The following PRRC2A variants were observed in gnomAD, a reference collection of about 807,000 sequenced individuals.
PRRC2A encodes protein PRRC2A.
A neutral mutation model predicts 224.6 loss-of-function variants in PRRC2A; 59 were observed. The observed-to-expected ratio is 0.26, with a 90% CI of 0.21 to 0.33. The LOEUF (loss-of-function observed/expected upper bound fraction) is 0.33. Among genes scored for constraint, PRRC2A ranks in the 10% least tolerant of loss-of-function variants. The pLI is 1.00. For missense variants in PRRC2A, 3,095 were observed against 2,880.7 expected (o/e 1.07, Z -1.70); for synonymous variants, 1,194 against 1,109.5 (o/e 1.08, Z -1.51).
chr6:31,630,711 T>G lies in PRRC2A; in HGVS notation c.2375T>G (p.Val792Gly). 1 of 1,613,952 alleles carries G rather than the reference T, an allele frequency of 6.2e-7. No individual in the cohort carries two copies. The highest frequency in any genetic ancestry group is 8.5e-7 in the Non-Finnish European group (1 of 1,179,974). ...CCGGTGGATCCAAAGTTGGCCTGGG[T>G]AGGAGATGTCTTCACCGCCACACCC... The part of the protein sequence containing the change: ...TPPVDPKLAW[V>G]GDVFTATPAE... The change falls in exon 15 of 31, where the codon GTA (valine) becomes GGA (glycine). Residue 792 changes from valine (V) to glycine (G), a missense_variant. Physicochemically the swap from Val to Gly is moderately radical, Grantham distance 109. This residue lies in a region of PRRC2A where 2,001 missense variants were observed against 1,764.9 expected (regional missense o/e 1.13). Coordinates refer to ENST00000376033, the MANE Select transcript of PRRC2A (RefSeq NM_004638.4).
intron 1 of PRRC2A, among the ~76,000 whole-genome samples, chr6:31,621,574 A>G (rs991536473): frequency 6.6e-6 from 1 of 151,676 alleles, no homozygotes; most frequent in African/African-American, 2.4e-5. Context: ...TATTCGCTAC[A>G]TGACTCTTGT....
Position 31,635,997 on chromosome 6 carries a change from C to T in PRRC2A, c.5572C>T (p.His1858Tyr). The change falls in exon 25 of 31, where the codon CAT becomes TAT. Residue 1858 changes from histidine to tyrosine, a missense_variant. This residue lies in a region of PRRC2A where 662 missense variants were observed against 609.5 expected (regional missense o/e 1.09). Transcript: ENST00000376033. ...TGGGGGAGCCATGGACTCTCAATTA[C>T]ATCCAAACAGTGGAGGCTTCCGCCC... ...ISGGAMDSQL[H>Y]PNSGGFRPGT... is the part of the protein sequence containing the mutation. The T allele has an allele frequency of 1.2e-6, 2 of 1,613,462 alleles. No individual in the cohort carries two copies. Among genetic ancestry groups the T allele is most frequent in the South Asian group, 1.1e-5 (1 of 91,056 alleles).
At chr6:31,621,067 A>C (rs1775218763) in intron 1 of PRRC2A, among the ~76,000 whole-genome samples, 1 of 152,110 alleles carries the variant, frequency 6.6e-6, no homozygotes, top group Non-Finnish European at 1.5e-5. Context: ...CAGTTCATTC[A>C]GGATCCGTAG....
In PRRC2A at chr6:31,637,086, G is replaced by C; in HGVS notation, c.6192G>C (p.Leu2064=). 1 of 1,610,744 alleles carries C rather than the reference G, an allele frequency of 6.2e-7. No individual in the cohort carries two copies. Among genetic ancestry groups the C allele is most frequent in the Non-Finnish European group, 8.5e-7 (1 of 1,178,828 alleles). The part of the protein sequence containing the change: ...ELKPFQDYQK[L]SSNLGGPGSS... ...AGCCGTTCCAGGATTATCAAAAACT[G>C]AGCAGCAACCTTGGGGGACCTGGAT... is the stretch of plus-strand genomic sequence containing the variant. The change falls in exon 29 of 31, where the codon CTG becomes CTC. Residue 2064 remains leucine, a synonymous_variant. Coordinates refer to ENST00000376033, the MANE Select transcript of PRRC2A (RefSeq NM_004638.4).
chr6:31,623,683 G>T (rs753308616), intron 2 of PRRC2A, 49 bp from the exon 3 acceptor site: 2 of 1,591,210 alleles, frequency 1.3e-6, no homozygotes, highest in South Asian at 2.2e-5. Context: ...GAGGCCATCA[G>T]ATCTCCCACA....
At position 31,633,055 on chromosome 6, in the gene PRRC2A, G is replaced by A. The variant is rs1225805715; in HGVS notation, c.4319+63G>A. 2.8e-6 allele frequency: 4 copies of A among 1,444,706 alleles called. No individual in the cohort carries two copies. The Admixed American group carries it at 8.2e-5, about 30-fold the overall frequency. 89.5% of individuals were successfully genotyped at this position (1,444,706 alleles called of 1,614,324 possible). A position where few individuals can be genotyped will look rare whatever the true frequency, so the allele number is the denominator to read the frequency against. On this transcript the variant is annotated intron_variant, in intron 16 of 30. Coordinates refer to ENST00000376033, the MANE Select transcript of PRRC2A (RefSeq NM_004638.4). Reference sequence around the variant, plus strand: ...TTGGAGGAGGGGGAAAAAGCCTGAGGGAAAGATAAGTTTGGGTGGAGTGGA... The same window carrying A: ...TTGGAGGAGGGGGAAAAAGCCTGAGAGAAAGATAAGTTTGGGTGGAGTGGA...
chr6:31,636,726 G>A lies in PRRC2A; in HGVS notation c.5935-7G>A. ...CCCAACATGCACACCCAAATTTCTT[G>A]TTACAGATGCTTCTACCCATGGTAG... is the stretch of plus-strand genomic sequence containing the variant. On this transcript the variant is annotated splice_polypyrimidine_tract_variant and splice_region_variant and intron_variant, in intron 27 of 30. Transcript: ENST00000376033. The surrounding 1 kb of genome is among the most constrained non-coding windows in gnomAD (Gnocchi z 4.3). The A allele has an allele frequency of 6.2e-7, 1 of 1,606,946 alleles. No individual in the cohort carries two copies. Among genetic ancestry groups the A allele is most frequent in the African/African-American group, 1.3e-5 (1 of 75,000 alleles).
At chr6:31,637,360 T>A (rs1411405186) in intron 30 of PRRC2A, 36 bp downstream of exon 30, 1 of 1,602,046 alleles carries the variant, frequency 6.2e-7, no homozygotes. Flanking sequence ...AACTCTAAAT[T>A]CGAGTTGCCA....
rs1775835724 is a variant in PRRC2A at position 31,625,752 on chromosome 6, G to A, written c.760-40G>A. ...GGCTTAAGGAGCTAGAAGGGTATAT[G>A]ACTGTCCCTCTGAGCAGCTACTGTT... is the stretch of plus-strand genomic sequence containing the variant. On this transcript the variant is annotated intron_variant, in intron 7 of 30. Transcript: ENST00000376033. The surrounding 1 kb of genome is among the most constrained non-coding windows in gnomAD (Gnocchi z 4.1). 1 of 1,555,980 alleles carries A rather than the reference G, an allele frequency of 6.4e-7. No homozygotes were observed. The highest frequency in any genetic ancestry group is 2.2e-5 in the East Asian group (1 of 44,554).
chr6:31,633,550 A>G lies in PRRC2A; in HGVS notation c.4491A>G (p.Pro1497=), dbSNP rs760897678. Residue 1497 remains proline, a synonymous_variant, in exon 17 of 31, where the codon CCA becomes CCG. Transcript: ENST00000376033. ...QGSVTAPGGH[P]RHKPGLPQAP... is the part of the protein sequence containing the mutation. ...GTGTAACTGCACCAGGGGGTCATCC[A>G]AGGCACAAGCCTGGGCTTCCCCAAG... is the stretch of plus-strand genomic sequence containing the variant. 1.2e-6 allele frequency: 2 copies of G among 1,613,032 alleles called. No individual in the cohort carries two copies. Among genetic ancestry groups the G allele is most frequent in the Non-Finnish European group, 1.7e-6 (2 of 1,179,972 alleles).
rs768998129 is a variant in PRRC2A, at chr6:31,633,985, A to G, written c.4715A>G (p.Gln1572Arg). The change falls in exon 18 of 31, where the codon CAG (glutamine) becomes CGG (arginine). Residue 1572 changes from glutamine (Q) to arginine (R), a missense_variant. Physicochemically the swap from Gln to Arg is conservative, Grantham distance 43. This residue lies in a region of PRRC2A where 2,001 missense variants were observed against 1,764.9 expected (regional missense o/e 1.13). Transcript: ENST00000376033. ...CCTCCCAGAAAACCAGAGCTGCTAC[A>G]GGAGGTAAGGGATGGGTTTGAGATT... ...ERPPRKPELL[Q>R]EESLPPPHSS... 24 of 1,605,268 alleles carry G rather than the reference A, an allele frequency of 1.5e-5. No homozygotes were observed. Among genetic ancestry groups the G allele is most frequent in the Non-Finnish European group, 2.0e-5 (24 of 1,178,028 alleles).
In PRRC2A at chr6:31,629,628, A is replaced by T; in HGVS notation, c.2037A>T (p.Pro679=). The change falls in exon 14 of 31, where the codon CCA becomes CCT. Residue 679 remains proline (P), a synonymous_variant. Coordinates refer to ENST00000376033, the MANE Select transcript of PRRC2A (RefSeq NM_004638.4). The part of the protein sequence containing the change: ...QGSAPPTPVP[P]SPPQPVTLGA... ...CTGCCCCTCCTACCCCAGTGCCCCC[A>T]TCACCACCACAGCCTGTGACCCTGG... is the stretch of plus-strand genomic sequence containing the variant. The T allele has an allele frequency of 6.2e-7, 1 of 1,607,638 alleles. No homozygotes were observed. Among genetic ancestry groups the T allele is most frequent in the Admixed American group, 1.7e-5 (1 of 59,650 alleles).
chr6:31,625,776 T>G lies in PRRC2A; in HGVS notation c.760-16T>G. On this transcript the variant is annotated splice_polypyrimidine_tract_variant and intron_variant, in intron 7 of 30. Transcript: ENST00000376033. This position sits in a 1 kb window ranked among gnomAD's most constrained non-coding sequence, Gnocchi z 4.1. Reference sequence around the variant, plus strand: ...TGACTGTCCCTCTGAGCAGCTACTGTTGGACCCTTTTACAGATGTATCCCC... The same window carrying G: ...TGACTGTCCCTCTGAGCAGCTACTGGTGGACCCTTTTACAGATGTATCCCC... The G allele has an allele frequency of 6.4e-7, 1 of 1,563,796 alleles. No homozygotes were observed. Among genetic ancestry groups the G allele is most frequent in the Non-Finnish European group, 8.8e-7 (1 of 1,134,508 alleles).
chr6:31,624,917 G>A (rs1376950801), intron 5 of PRRC2A: 5 of 539,618 alleles, frequency 9.3e-6, no homozygotes, highest in Non-Finnish European at 1.6e-5. Context: ...TCCTGCCTCA[G>A]CCTCCAGAGT....
chr6:31,626,021 C>G lies in PRRC2A; in HGVS notation c.841C>G (p.Arg281Gly). Residue 281 changes from arginine to glycine, a missense_variant and splice_region_variant, in exon 9 of 31, where the codon CGT (arginine) becomes GGT (glycine). Coordinates refer to ENST00000376033, the MANE Select transcript of PRRC2A (RefSeq NM_004638.4). ...YRYPTPDGPS[R>G]FPRVAGPRGS... ...TTTCATTTTCTTTTTTGTGTACAGC[C>G]GTTTTCCCCGTGTGGCGGGCCCCCG... 1 of 1,611,738 alleles carries G rather than the reference C, an allele frequency of 6.2e-7. No homozygotes were observed. Among genetic ancestry groups the G allele is most frequent in the Non-Finnish European group, 8.5e-7 (1 of 1,179,614 alleles).
At position 31,625,711 on chromosome 6, in the gene PRRC2A, A is replaced by G; in HGVS notation, c.760-81A>G. 1 of 1,576,406 alleles carries G rather than the reference A, an allele frequency of 6.3e-7. No homozygotes were observed. The highest frequency in any genetic ancestry group is 1.3e-5 in the African/African-American group (1 of 74,152). On this transcript the variant is annotated intron_variant, in intron 7 of 30. Transcript: ENST00000376033. The surrounding 1 kb of genome is among the most constrained non-coding windows in gnomAD (Gnocchi z 4.1). ...CCTATGAGATAGAAGGGAGGGTGGG[A>G]GGATGATTGATAGCAGGCTTAAGGA...
Position 31,636,916 on chromosome 6 carries a change from C to CCCTT in PRRC2A, c.6121_6124dup (p.Pro2042LeufsTer4). 1 of 1,612,996 alleles carries CCCTT rather than the reference C, an allele frequency of 6.2e-7. No individual in the cohort carries two copies. Among genetic ancestry groups the CCCTT allele is most frequent in the Non-Finnish European group, 8.5e-7 (1 of 1,180,000 alleles). On this transcript the variant is annotated frameshift_variant, in exon 28 of 31. Coordinates refer to ENST00000376033, the MANE Select transcript of PRRC2A (RefSeq NM_004638.4). LOFTEE classifies it high-confidence loss of function. The surrounding 1 kb of genome is among the most constrained non-coding windows in gnomAD (Gnocchi z 4.3). Reference sequence around the variant, plus strand: ...TCGGGTGCTGCCTTCACCTGCCAGGCCCTTCCCCGCTAGCTTGGGGCGAGC... The same window carrying CCCTT: ...TCGGGTGCTGCCTTCACCTGCCAGGCCCTTCCTTCCCCGCTAGCTTGGGGCGAGC...
At chr6:31,637,362 G>C in intron 30 of PRRC2A, 38 bp downstream of exon 30, 5 of 1,601,902 alleles carry the variant, frequency 3.1e-6, no homozygotes, top group Non-Finnish European at 4.3e-6. Context: ...CTCTAAATTC[G>C]AGTTGCCACC....
At chr6:31,633,222 CTG>C (rs1221806928) in intron 16 of PRRC2A, among the ~76,000 whole-genome samples, 155 bp from the exon 17 acceptor site, 1 of 152,162 alleles carries the variant, frequency 6.6e-6, no homozygotes, top group African/African-American at 2.4e-5. Flanking sequence ...GCTTTCCAGT[CTG>C]TGCATCTGTA....
Sources: allele counts gnomAD v4.1 joint callset (sites outside exome capture counted in the v4.1 genomes callset), GRCh38; gene constraint gnomAD v4.1.1; regional missense constraint gnomAD v4.1.1; non-coding constraint Gnocchi (gnomAD v3.1); transcripts MANE v1.5; gene names NCBI Gene and HGNC (gene_info 2026-07-23, HGNC 2026-07-21).